Variants in CNTNAP3B observed in about 807,000 individuals in gnomAD.
The protein encoded by CNTNAP3B is contactin associated protein family member 3B.
CNTNAP3B carries 25 observed loss-of-function variants against 108.9 expected under a neutral mutation model. That is an observed-to-expected ratio of 0.23 (90% CI 0.17 to 0.32). The LOEUF is 0.32. Ranked by LOEUF, CNTNAP3B falls within the 10% of genes least tolerant of loss-of-function variation. The pLI, the probability that CNTNAP3B is intolerant of heterozygous loss-of-function variation, is 1.00. For missense variants in CNTNAP3B, 252 were observed against 1,210.4 expected (o/e 0.21, Z 11.75); for synonymous variants, 103 against 473.4 (o/e 0.22, Z 10.16).
chr9:41,931,236 C>T (rs1188585928), intron 14 of CNTNAP3B, among the ~76,000 whole-genome samples: 7 of 152,256 alleles, frequency 4.6e-5, no homozygotes, highest in Non-Finnish European at 8.8e-5. Context: ...GGCACATGTG[C>T]TATTTTGATA....
At chr9:42,113,980 T>C (rs1828257381) in intron 1 of CNTNAP3B, among the ~76,000 whole-genome samples, 1 of 130,548 alleles carries the variant, frequency 7.7e-6, no homozygotes, top group African/African-American at 3.1e-5. Context: ...TAATTCTTTC[T>C]ATGCACCTCT....
intron 18 of CNTNAP3B, among the ~76,000 whole-genome samples, chr9:41,919,344 G>A (rs1047377328): frequency 1.1e-4 from 16 of 151,984 alleles, no homozygotes; most frequent in African/African-American, 3.6e-4. Context: ...TTGAATTCCT[G>A]ACCTCGTGAT....
Position 42,111,703 on chromosome 9 carries a change from G to T in CNTNAP3B, c.86-6964C>A, listed in dbSNP as rs1301257340. 2.2e-5 allele frequency among the ~76,000 whole-genome samples: 3 copies of T among 138,676 alleles called. 1 individual carries two copies. Among genetic ancestry groups the T allele is most frequent in the Non-Finnish European group, 4.6e-5 (3 of 64,840 alleles). The allele number at this position is 138,676 out of a possible 152,430, so 91.0% of individuals were successfully genotyped here. A position where few individuals can be genotyped will look rare whatever the true frequency, so the allele number is the denominator to read the frequency against. On this transcript the variant is annotated intron_variant, in intron 1 of 23. Coordinates refer to ENST00000377561, the MANE Select transcript of CNTNAP3B (RefSeq NM_001201380.3). ...CTGAAAAATACTCAATAAGTACACT[G>T]TCCTGAGCCCCCACCCTTATCTTCC...
chr9:41,959,275 G>C (rs1190702532), intron 12 of CNTNAP3B, among the ~76,000 whole-genome samples: 1 of 151,684 alleles, frequency 6.6e-6, no homozygotes, highest in South Asian at 2.1e-4. Flanking sequence ...CAAGCTATTA[G>C]AGTAGTTTGA....
intron 2 of CNTNAP3B, among the ~76,000 whole-genome samples, chr9:42,078,111 TG>T (rs1827528831): frequency 1.1e-5 from 1 of 89,614 alleles, no homozygotes; most frequent in Non-Finnish European, 2.3e-5. Flanking sequence ...TGACTTATAC[TG>T]TGTATTTTAT....
chr9:42,034,126 C>G (rs868612929), intron 3 of CNTNAP3B, among the ~76,000 whole-genome samples: 1 of 114,108 alleles, frequency 8.8e-6, no homozygotes, highest in South Asian at 2.8e-4. Flanking sequence ...TTCTATATAT[C>G]GTCTATCTTT....
In CNTNAP3B at chr9:41,947,523, G is replaced by A. The variant is rs1824561650; in HGVS notation, c.2080+5660C>T. 3.9e-5 allele frequency among the ~76,000 whole-genome samples: 6 copies of A among 152,330 alleles called. No homozygotes were observed. In the South Asian group the frequency reaches 1.0e-3, roughly 26 times the overall value. On this transcript the variant is annotated intron_variant, in intron 13 of 23. Coordinates refer to ENST00000377561, the MANE Select transcript of CNTNAP3B (RefSeq NM_001201380.3). ...ATGAGAATACAACATATCAAAATAT[G>A]TGAAATGTAGGTAAAACTGTGTTGA... is the stretch of plus-strand genomic sequence containing the variant.
chr9:41,955,643 C>A lies in CNTNAP3B; in HGVS notation c.1877-2257G>T, dbSNP rs555416003. Among the ~76,000 whole-genome samples the A allele has an allele frequency of 1.6e-4, 24 of 152,370 alleles. No individual in the cohort carries two copies. In the East Asian group the frequency reaches 3.9e-3, roughly 25 times the overall value. Reference sequence around the variant, plus strand: ...CCTCCTGGGCTCAAGTGAATTGGACCTGAGTAGATTAATTATAACAGTGGC... The same window carrying A: ...CCTCCTGGGCTCAAGTGAATTGGACATGAGTAGATTAATTATAACAGTGGC... On this transcript the variant is annotated intron_variant, in intron 12 of 23. Coordinates refer to ENST00000377561, the MANE Select transcript of CNTNAP3B (RefSeq NM_001201380.3).
intron 2 of CNTNAP3B, among the ~76,000 whole-genome samples, chr9:42,089,777 G>A (rs1437996786): frequency 6.9e-6 from 1 of 144,132 alleles, no homozygotes; most frequent in Non-Finnish European, 1.5e-5. Flanking sequence ...GTTTCCATTT[G>A]CTCTGTGTTT....
At chr9:42,046,338 TC>T (rs1826875724) in intron 3 of CNTNAP3B, among the ~76,000 whole-genome samples, 2 of 105,696 alleles carry the variant, frequency 1.9e-5, no homozygotes, top group Non-Finnish European at 3.8e-5. Flanking sequence ...AAATCACTCA[TC>T]CCCCTTGAAT....
At chr9:41,947,594 C>G (rs1824563490) in intron 13 of CNTNAP3B, among the ~76,000 whole-genome samples, 2 of 152,030 alleles carry the variant, frequency 1.3e-5, no homozygotes, top group Admixed American at 6.6e-5. Context: ...AAGAAGAAAG[C>G]CCTAAAGCCA....
chr9:42,024,663 G>C (rs78438631), intron 3 of CNTNAP3B, among the ~76,000 whole-genome samples: 3 of 107,950 alleles, frequency 2.8e-5, no homozygotes, highest in Admixed American at 1.9e-4. Flanking sequence ...ATGGCTCCAG[G>C]GTTCACAAAA....
rs1465213971 is a variant in CNTNAP3B at position 42,094,540 on chromosome 9, A to G, written c.196+10089T>C. Among the ~76,000 whole-genome samples, 3 of 131,426 alleles carry G rather than the reference A, an allele frequency of 2.3e-5. 1 individual carries two copies. Among genetic ancestry groups the G allele is most frequent in the Non-Finnish European group, 4.8e-5 (3 of 62,702 alleles). The allele number at this position is 131,426 out of a possible 152,430, so 86.2% of individuals were successfully genotyped here. ...TGTTATGACATGTGACTGTGGTCCC[A>G]GCTACTCGGGAGGCTGAGGTGGGAG... is the stretch of plus-strand genomic sequence containing the variant. On this transcript the variant is annotated intron_variant, in intron 2 of 23. Transcript: ENST00000377561.
chr9:41,938,621 A>T (rs1824232681), intron 13 of CNTNAP3B, among the ~76,000 whole-genome samples: 1 of 152,296 alleles, frequency 6.6e-6, no homozygotes, highest in Non-Finnish European at 1.5e-5. Context: ...AAATGATTCC[A>T]TCTATTTTTC....
Position 42,107,933 on chromosome 9 carries a change from C to T in CNTNAP3B, c.86-3194G>A, listed in dbSNP as rs562784095. Reference sequence around the variant, plus strand: ...GAGGTTGCAGTGAGCCCAGATGGTGCCAGTACACTCTAGGCTGGGCGACAG... The same window carrying T: ...GAGGTTGCAGTGAGCCCAGATGGTGTCAGTACACTCTAGGCTGGGCGACAG... On this transcript the variant is annotated intron_variant, in intron 1 of 23. Transcript: ENST00000377561. Among the ~76,000 whole-genome samples, 79 of 123,650 alleles carry T rather than the reference C, an allele frequency of 6.4e-4. 12 individuals carry two copies. Among genetic ancestry groups the T allele is most frequent in the African/African-American group, 2.6e-3 (79 of 30,090 alleles). 81.1% of individuals were successfully genotyped at this position (123,650 alleles called of 152,430 possible). A position where few individuals can be genotyped will look rare whatever the true frequency, so the allele number is the denominator to read the frequency against.
intron 2 of CNTNAP3B, among the ~76,000 whole-genome samples, chr9:42,087,638 C>T (rs1267913115): frequency 7.0e-6 from 1 of 142,812 alleles, no homozygotes; most frequent in African/African-American, 2.7e-5. Context: ...CAGGTGTTGC[C>T]ATTCTTTAAT....
At chr9:41,923,834 T>G in intron 16 of CNTNAP3B, 89 bp downstream of exon 16, 1 of 1,534,194 alleles carries the variant, frequency 6.5e-7, no homozygotes, top group Non-Finnish European at 8.7e-7. Flanking sequence ...AATCACAAAG[T>G]AAGAATGAAA....
rs1009152335 is a variant in CNTNAP3B, at chr9:42,021,760, GCAA to G, written c.391-8238_391-8236del. ...CTGTCTATGAATTTGTAAAACAGCA[GCAA>G]CAACATGAGGCACATGGAAGTTCAA... On this transcript the variant is annotated intron_variant, in intron 3 of 23. Transcript: ENST00000377561. 5.5e-5 allele frequency among the ~76,000 whole-genome samples: 7 copies of G among 126,870 alleles called. No homozygotes were observed. In the East Asian group the frequency reaches 7.2e-4, roughly 13 times the overall value. The allele number at this position is 126,870 out of a possible 152,430, so 83.2% of individuals were successfully genotyped here.
intron 13 of CNTNAP3B, among the ~76,000 whole-genome samples, chr9:41,942,043 G>A (rs1291500570): frequency 1.3e-5 from 2 of 152,294 alleles, no homozygotes; most frequent in African/African-American, 4.8e-5. Context: ...AACCACCTAG[G>A]GGAATGGAAA....
Sources: gnomAD v4.1 joint callset for allele counts (sites outside exome capture counted in the v4.1 genomes callset) on GRCh38, gnomAD v4.1.1 for gene constraint, MANE v1.5 for transcripts, NCBI Gene and HGNC (gene_info 2026-07-23, HGNC 2026-07-21) for gene names.